Variants in ABAT observed in about 807,000 individuals in gnomAD.
The protein encoded by ABAT is 4-aminobutyrate aminotransferase.
In ABAT, 45 loss-of-function variants were observed where a neutral mutation model predicts 64.6. That is an observed-to-expected ratio of 0.70 (90% CI 0.55 to 0.89). The LOEUF (loss-of-function observed/expected upper bound fraction) is 0.89. ABAT is among the 40% of genes least tolerant of loss of function. The pLI, the probability that ABAT is intolerant of heterozygous loss-of-function variation, is 0.00. For synonymous variants in ABAT, 297 were observed against 250.5 expected, an observed-to-expected ratio of 1.19 and a Z score of -1.75; for missense variants, 633 against 658.4, an observed-to-expected ratio of 0.96 and a Z score of 0.42.
chr16:8,719,494 T>C (rs543746548), intron 1 of ABAT, among the ~76,000 whole-genome samples: 1 of 152,326 alleles, frequency 6.6e-6, no homozygotes, highest in Non-Finnish European at 1.5e-5. Flanking sequence ...ACCTGCCTGC[T>C]AGCAACGATG....
At position 8,772,756 on chromosome 16, in the gene ABAT, G is replaced by A. The variant is rs554771693; in HGVS notation, c.817-24G>A. 2.8e-5 allele frequency: 45 copies of A among 1,613,990 alleles called. No individual in the cohort carries two copies. In the South Asian group the frequency reaches 4.8e-4, roughly 17 times the overall value. ...TGGTCACAAGCCTCTGCCATCGGTG[G>A]TCACTTTCCCCTTTGGGATCCAGGT... On this transcript the variant is annotated intron_variant, in intron 11 of 15. Transcript: ENST00000268251.
intron 1 of ABAT, among the ~76,000 whole-genome samples, chr16:8,704,608 T>C (rs892088472): frequency 6.6e-6 from 1 of 152,246 alleles, no homozygotes; most frequent in African/African-American, 2.4e-5. Context: ...CTTGCTTTAT[T>C]GTGTAGCAGT....
In ABAT at chr16:8,772,240, TTC is replaced by T. The variant is rs940198761; in HGVS notation, c.817-534_817-533del. Among the ~76,000 whole-genome samples the T allele has an allele frequency of 5.2e-4, 74 of 142,594 alleles. 1 individual carries two copies. In the Middle Eastern group the frequency reaches 0.019, roughly 36 times the overall value. The allele number at this position is 142,594 out of a possible 152,430, so 93.5% of individuals were successfully genotyped here. ...TATGTGTGCCAGACTCTGCTGTATT[TTC>T]TCTCTGTCTCTGTGTGTGTGTGTGT... On this transcript the variant is annotated intron_variant, in intron 11 of 15. Coordinates refer to ENST00000268251, the MANE Select transcript of ABAT (RefSeq NM_020686.6).
chr16:8,689,547 G>A (rs1263791210), intron 1 of ABAT, among the ~76,000 whole-genome samples: 3 of 152,194 alleles, frequency 2.0e-5, no homozygotes, highest in Non-Finnish European at 4.4e-5. Context: ...ACCTTAAAGT[G>A]TATAGTCTTA....
chr16:8,756,382 T>C lies in ABAT; in HGVS notation c.317-1375T>C, dbSNP rs374518611. Among the ~76,000 whole-genome samples the C allele has an allele frequency of 9.2e-4, 140 of 152,318 alleles. 2 individuals are homozygous for C. The South Asian group carries it at 0.029, about 31-fold the overall frequency. ...AATTCTTATTAATTAACGTCAAACA[T>C]TTTTATTTTAATTTTTTTCTTTTTT... On this transcript the variant is annotated intron_variant, in intron 5 of 15. Coordinates refer to ENST00000268251, the MANE Select transcript of ABAT (RefSeq NM_020686.6).
intron 13 of ABAT, 92 bp downstream of exon 13, chr16:8,775,149 G>C: frequency 1.3e-6 from 2 of 1,563,872 alleles, no homozygotes; most frequent in Non-Finnish European, 1.8e-6. Flanking sequence ...CGAGGAGCTG[G>C]GTGGGCACTT....
chr16:8,781,628 G>A lies in ABAT; in HGVS notation c.*198G>A. The A allele has an allele frequency of 1.4e-6, 1 of 699,792 alleles. No homozygotes were observed. Among genetic ancestry groups the A allele is most frequent in the Non-Finnish European group, 2.4e-6 (1 of 411,170 alleles). 43.3% of individuals were successfully genotyped at this position (699,792 alleles called of 1,614,324 possible). A position where few individuals can be genotyped will look rare whatever the true frequency, so the allele number is the denominator to read the frequency against. On this transcript the variant is annotated 3_prime_UTR_variant, in exon 16 of 16. Coordinates refer to ENST00000268251, the MANE Select transcript of ABAT (RefSeq NM_020686.6). This position sits in a 1 kb window ranked among gnomAD's most constrained non-coding sequence, Gnocchi z 4.5. ...GCTGGTGTTGATTTTCCTCCCTGCA[G>A]AGCCAATGGTGCACATTGGTTTAAG...
chr16:8,676,290 G>A (rs1266594437), intron 1 of ABAT, among the ~76,000 whole-genome samples: 1 of 152,066 alleles, frequency 6.6e-6, no homozygotes, highest in Non-Finnish European at 1.5e-5. Flanking sequence ...ACACACAGAG[G>A]CACAAAAGGG....
chr16:8,738,032 G>GAAAGAAAGGAAAGAAAGAAA, intron 2 of ABAT, among the ~76,000 whole-genome samples: 1 of 78,398 alleles, frequency 1.3e-5, no homozygotes, highest in Admixed American at 1.2e-4. Flanking sequence ...AAAGAAAGAA[G>GAAAGAAAGGAAAGAAAGAAA]GACAGACAGA....
chr16:8,685,644 C>G (rs1358320471), intron 1 of ABAT, among the ~76,000 whole-genome samples: 1 of 152,154 alleles, frequency 6.6e-6, no homozygotes, highest in Admixed American at 6.5e-5. Context: ...CCACTGCACT[C>G]CAGCCTGGGC....
chr16:8,717,240 A>G (rs1335119500), intron 1 of ABAT, among the ~76,000 whole-genome samples: 1 of 152,218 alleles, frequency 6.6e-6, no homozygotes, highest in Non-Finnish European at 1.5e-5. Context: ...CAGTGAGCCG[A>G]GATTGTGCCA....
At chr16:8,737,784 C>T (rs559396678) in intron 2 of ABAT, among the ~76,000 whole-genome samples, 7 of 148,954 alleles carry the variant, frequency 4.7e-5, no homozygotes, top group Non-Finnish European at 8.9e-5. Context: ...AAAAATTAGC[C>T]GGGTGTGGTG....
intron 1 of ABAT, among the ~76,000 whole-genome samples, chr16:8,682,714 A>T (rs1365082587): frequency 6.6e-6 from 1 of 152,032 alleles, no homozygotes; most frequent in Non-Finnish European, 1.5e-5. Context: ...ACTTGCCAGC[A>T]CTCTGTCCCT....
chr16:8,740,428 C>T (rs1185489201), intron 2 of ABAT, among the ~76,000 whole-genome samples: 1 of 152,200 alleles, frequency 6.6e-6, no homozygotes, highest in African/African-American at 2.4e-5. Context: ...GGCAGTCCCA[C>T]TTACGGGGTT....
intron 2 of ABAT, among the ~76,000 whole-genome samples, chr16:8,744,613 C>T (rs1417346467): frequency 6.6e-6 from 1 of 152,124 alleles, no homozygotes. Flanking sequence ...GGTGATCCAC[C>T]TGCCTGAACC....
chr16:8,756,439 G>T (rs116883801), intron 5 of ABAT, among the ~76,000 whole-genome samples: 2,128 of 152,020 alleles, frequency 0.014, 29 homozygotes, highest in Non-Finnish European at 0.02. Context: ...AGGGATACAT[G>T]TGTAGAACCT....
intron 1 of ABAT, among the ~76,000 whole-genome samples, chr16:8,727,223 C>A (rs150081730): frequency 9.6e-4 from 146 of 152,242 alleles, no homozygotes; most frequent in African/African-American, 3.1e-3. Context: ...GCTCCCTCCT[C>A]CCTTTGAGAG....
At chr16:8,766,162 C>T (rs1262869770) in intron 8 of ABAT, 46 bp from the exon 9 acceptor site, 2 of 1,573,534 alleles carry the variant, frequency 1.3e-6, no homozygotes, top group South Asian at 2.2e-5. Flanking sequence ...GAAGCCCCGA[C>T]TACCCCAGAG....
intron 1 of ABAT, among the ~76,000 whole-genome samples, chr16:8,728,503 T>C (rs1007200975): frequency 6.6e-6 from 1 of 152,192 alleles, no homozygotes; most frequent in African/African-American, 2.4e-5. Context: ...TTCTACACAG[T>C]TACTCTGTTG....
Sources: allele counts gnomAD v4.1 joint callset (sites outside exome capture counted in the v4.1 genomes callset), GRCh38; gene constraint gnomAD v4.1.1; non-coding constraint Gnocchi (gnomAD v3.1); transcripts MANE v1.5; gene names NCBI Gene and HGNC (gene_info 2026-07-23, HGNC 2026-07-21).